The following KIF6 variants were observed in gnomAD, a reference collection of about 807,000 sequenced individuals.
KIF6 encodes the protein kinesin family member 6.
In KIF6, 106 loss-of-function variants were observed where a neutral mutation model predicts 112.7. The ratio of observed to expected loss-of-function variants is 0.94; its 90% CI spans 0.80 to 1.11. The LOEUF is 1.11. Among genes scored for constraint, KIF6 ranks in the 50% least tolerant of loss-of-function variants. The probability of loss-of-function intolerance (pLI) is 0.00; values close to 1 mark genes in which losing one functional copy is unlikely to be tolerated. For synonymous variants in KIF6, 339 were observed against 339.9 expected, an observed-to-expected ratio of 1.00 and a Z score of 0.03; for missense variants, 929 against 964.0, an observed-to-expected ratio of 0.96 and a Z score of 0.48.
intron 6 of KIF6, among the ~76,000 whole-genome samples, chr6:39,598,815 T>C (rs1023284306): frequency 3.0e-4 from 45 of 152,096 alleles, no homozygotes; most frequent in African/African-American, 1.1e-3. Context: ...TTGACATAAA[T>C]GGATTTCTAA....
At chr6:39,676,528 CG>C (rs1787150074) in intron 3 of KIF6, among the ~76,000 whole-genome samples, 1 of 151,780 alleles carries the variant, frequency 6.6e-6, no homozygotes, top group Admixed American at 6.6e-5. Flanking sequence ...TAGGATAACA[CG>C]GGGAATAAGC....
chr6:39,619,911 A>T lies in KIF6; in HGVS notation c.510-6593T>A, dbSNP rs11970333. ...TTAGATTGCTAATAACTTGATAAGA[A>T]TATCTTTCTGTATTATGTTAATCTA... On this transcript the variant is annotated intron_variant, in intron 5 of 22. Transcript: ENST00000287152. Among the ~76,000 whole-genome samples the T allele has an allele frequency of 2.0e-3, 297 of 152,300 alleles. 1 individual carries two copies. Among genetic ancestry groups the T allele is most frequent in the African/African-American group, 6.2e-3 (259 of 41,576 alleles).
At chr6:39,507,245 T>A (rs1776473013) in intron 13 of KIF6, among the ~76,000 whole-genome samples, 1 of 152,108 alleles carries the variant, frequency 6.6e-6, no homozygotes, top group South Asian at 2.1e-4. Flanking sequence ...AGTGTCAGAA[T>A]TGAATTAAAT....
chr6:39,578,280 TAA>T, intron 9 of KIF6, 121 bp from the exon 10 acceptor site: 1 of 645,616 alleles, frequency 1.5e-6, no homozygotes, highest in South Asian at 1.9e-5. Flanking sequence ...GGTAATGGTA[TAA>T]AAAGCCAGCT....
chr6:39,641,686 G>GA (rs534393643), intron 3 of KIF6, among the ~76,000 whole-genome samples: 42 of 151,500 alleles, frequency 2.8e-4, no homozygotes, highest in Non-Finnish European at 5.2e-4. Context: ...AAAAAAAAAG[G>GA]AAAAAACTAC....
chr6:39,396,346 T>C (rs528026207), intron 15 of KIF6, among the ~76,000 whole-genome samples: 1 of 152,296 alleles, frequency 6.6e-6, no homozygotes, highest in Admixed American at 6.5e-5. Flanking sequence ...CTCACCTCCA[T>C]GGGAGTGGCA....
intron 12 of KIF6, among the ~76,000 whole-genome samples, chr6:39,541,333 A>G (rs1020121207): frequency 2.0e-5 from 3 of 152,220 alleles, no homozygotes; most frequent in African/African-American, 7.2e-5. Context: ...CCTTGCCCCA[A>G]AACAACATGT....
chr6:39,715,984 TGAG>T (rs1789827395), intron 2 of KIF6, among the ~76,000 whole-genome samples: 1 of 152,116 alleles, frequency 6.6e-6, no homozygotes, highest in African/African-American at 2.4e-5. Flanking sequence ...TCTCAGCTTT[TGAG>T]GAGAATGATG....
rs555792682 is a variant in KIF6, at chr6:39,622,942, A to G, written c.510-9624T>C. Among the ~76,000 whole-genome samples, 15 of 152,254 alleles carry G rather than the reference A, an allele frequency of 9.9e-5. No individual in the cohort carries two copies. In the East Asian group the frequency reaches 2.7e-3, roughly 27 times the overall value. ...CTCCCTGCCTATTTTTAGAATCTTT[A>G]AGGTGCGGTGGTGTGGGAGAGGTGA... On this transcript the variant is annotated intron_variant, in intron 5 of 22. Coordinates refer to ENST00000287152, the MANE Select transcript of KIF6 (RefSeq NM_145027.6).
chr6:39,452,433 C>A (rs1362236330), intron 13 of KIF6, among the ~76,000 whole-genome samples: 1 of 152,206 alleles, frequency 6.6e-6, no homozygotes, highest in East Asian at 1.9e-4. Flanking sequence ...TCATTGGGTT[C>A]ACTAATGAGC....
chr6:39,580,921 G>A (rs1180635877), intron 9 of KIF6, among the ~76,000 whole-genome samples: 1 of 152,036 alleles, frequency 6.6e-6, no homozygotes, highest in African/African-American at 2.4e-5. Context: ...ATACATTGAT[G>A]CATTCTCTAG....
rs150837630 is a variant in KIF6 at position 39,432,524 on chromosome 6, C to T, written c.1646-1363G>A. ...TGATTACTCTTGATAAAAATAGCAC[C>T]GTGAAGAATGTCTAAATGGTGAGGC... On this transcript the variant is annotated intron_variant, in intron 13 of 22. Transcript: ENST00000287152. 2.0e-3 allele frequency among the ~76,000 whole-genome samples: 309 copies of T among 152,250 alleles called. 2 individuals are homozygous for T. The highest frequency in any genetic ancestry group is 7.2e-3 in the African/African-American group (300 of 41,542).
chr6:39,666,407 AT>A (rs1451579355), intron 3 of KIF6, among the ~76,000 whole-genome samples: 3 of 152,342 alleles, frequency 2.0e-5, no homozygotes, highest in South Asian at 2.1e-4. Context: ...GTATATATGA[AT>A]ATACAACTAT....
chr6:39,362,402 C>G, intron 17 of KIF6, 32 bp downstream of exon 17: 1 of 1,558,060 alleles, frequency 6.4e-7, no homozygotes, highest in Non-Finnish European at 8.9e-7. Context: ...GGAGGCTGGG[C>G]TCGGACTGTG....
At chr6:39,628,387 T>C (rs1432894213) in intron 5 of KIF6, among the ~76,000 whole-genome samples, 1 of 152,126 alleles carries the variant, frequency 6.6e-6, no homozygotes, top group African/African-American at 2.4e-5. Context: ...TTCCCTTGTG[T>C]GTGTCTGTGT....
chr6:39,719,476 CT>C (rs1002177780), intron 2 of KIF6, among the ~76,000 whole-genome samples: 1 of 152,148 alleles, frequency 6.6e-6, no homozygotes, highest in African/African-American at 2.4e-5. Context: ...AATTAGGATT[CT>C]TTCAGCAGGA....
chr6:39,568,551 CTTTTT>C (rs1285047955), intron 10 of KIF6, among the ~76,000 whole-genome samples: 1 of 146,242 alleles, frequency 6.8e-6, no homozygotes, highest in African/African-American at 2.5e-5. Flanking sequence ...CTTTTCTTTT[CTTTTT>C]TTTTTTAATT....
intron 6 of KIF6, among the ~76,000 whole-genome samples, chr6:39,602,949 C>T (rs1019012285): frequency 6.6e-6 from 1 of 152,206 alleles, no homozygotes; most frequent in African/African-American, 2.4e-5. Context: ...AGACATTTAA[C>T]ATTTGCGCAT....
At chr6:39,385,730 G>T (rs368228141) in intron 15 of KIF6, 58 bp from the exon 16 acceptor site, 1 of 1,055,412 alleles carries the variant, frequency 9.5e-7, no homozygotes, top group East Asian at 2.4e-5. Context: ...GAGGAAGACT[G>T]CCTCAGAAGC....
Sources: gnomAD v4.1 joint callset for allele counts (sites outside exome capture counted in the v4.1 genomes callset) on GRCh38, gnomAD v4.1.1 for gene constraint, MANE v1.5 for transcripts, NCBI Gene and HGNC (gene_info 2026-07-23, HGNC 2026-07-21) for gene names.